STEAP1B: variants seen among roughly 807,000 people sequenced by gnomAD.
STEAP1B encodes STEAP family protein MGC87042.
STEAP1B carries 13 observed loss-of-function variants against 27.9 expected under a neutral mutation model. The ratio of observed to expected loss-of-function variants is 0.47; its 90% confidence interval spans 0.30 to 0.74. STEAP1B has a LOEUF of 0.74. Ranked by LOEUF, STEAP1B falls within the 30% of genes least tolerant of loss-of-function variation. The pLI, the probability that STEAP1B is intolerant of heterozygous loss-of-function variation, is 0.06. For synonymous variants in STEAP1B, 86 were observed against 107.1 expected, an observed-to-expected ratio of 0.80 and a Z score of 1.22; for missense variants, 250 against 298.7, an observed-to-expected ratio of 0.84 and a Z score of 1.20.
chr7:22,468,969 T>A (rs995394565), intron 4 of STEAP1B, among the ~76,000 whole-genome samples: 1 of 152,250 alleles, frequency 6.6e-6, no homozygotes, highest in Non-Finnish European at 1.5e-5. Context: ...TATTATCCTA[T>A]ACTTTTTATA....
At chr7:22,481,278 G>C (rs1040480901) in intron 4 of STEAP1B, among the ~76,000 whole-genome samples, 1 of 152,218 alleles carries the variant, frequency 6.6e-6, no homozygotes, top group East Asian at 1.9e-4. Flanking sequence ...TAATGGTGAA[G>C]AGCACAGACC....
intron 1 of STEAP1B, chr7:22,495,608 T>C (rs1362519176): frequency 6.6e-6 from 1 of 152,238 alleles, no homozygotes; most frequent in African/African-American, 2.4e-5. Context: ...ACAGTACTAT[T>C]CATTGTTTTT....
intron 4 of STEAP1B, among the ~76,000 whole-genome samples, chr7:22,469,692 G>C (rs1785846309): frequency 6.6e-6 from 1 of 152,144 alleles, no homozygotes. Flanking sequence ...CACTAGGCTT[G>C]CAGATAGCCT....
intron 4 of STEAP1B, among the ~76,000 whole-genome samples, chr7:22,439,534 T>C (rs1018614398): frequency 2.6e-5 from 4 of 152,174 alleles, no homozygotes; most frequent in African/African-American, 9.7e-5. Context: ...ATAAATTCAG[T>C]TCAAAAGTTC....
rs752507372 is a variant in STEAP1B at position 22,456,968 on chromosome 7, ATATAT to A, written c.762+35592_762+35596del. Among the ~76,000 whole-genome samples, 166 of 47,954 alleles carry A rather than the reference ATATAT, an allele frequency of 3.5e-3. 18 individuals are homozygous for A. Among genetic ancestry groups the A allele is most frequent in the Non-Finnish European group, 5.4e-3 (107 of 19,792 alleles). The allele number at this position is 47,954 out of a possible 152,430, so 31.5% of individuals were successfully genotyped here. Reference sequence around the variant, plus strand: ...GATAGGCAGCTATATATATATATATATATATTTTTTTTTTTTTTAAGTATCCTGGG... The same window carrying A: ...GATAGGCAGCTATATATATATATATATTTTTTTTTTTTTAAGTATCCTGGG... On this transcript the variant is annotated intron_variant, in intron 4 of 4. Transcript: ENST00000678116.
chr7:22,454,534 A>C (rs1369772798), intron 4 of STEAP1B, among the ~76,000 whole-genome samples: 2 of 152,104 alleles, frequency 1.3e-5, no homozygotes, highest in African/African-American at 2.4e-5. Context: ...AAGCCACTGG[A>C]TGCTGCTGGC....
At chr7:22,480,568 C>T (rs1786051549) in intron 4 of STEAP1B, among the ~76,000 whole-genome samples, 2 of 152,182 alleles carry the variant, frequency 1.3e-5, no homozygotes, top group South Asian at 4.1e-4. Context: ...CATAAGGATG[C>T]AGGTAATGAA....
At chr7:22,463,018 C>A (rs2128408468) in intron 4 of STEAP1B, among the ~76,000 whole-genome samples, 1 of 152,248 alleles carries the variant, frequency 6.6e-6, no homozygotes, top group East Asian at 1.9e-4. Flanking sequence ...TTTTTGGCTG[C>A]ATAAATGTCT....
intron 4 of STEAP1B, among the ~76,000 whole-genome samples, chr7:22,481,981 G>A (rs868131630): frequency 2.6e-5 from 4 of 152,210 alleles, no homozygotes; most frequent in African/African-American, 7.2e-5. Context: ...CACGAAAGCC[G>A]GAATCCTGCT....
At chr7:22,428,385 A>G (rs1522281) in intron 4 of STEAP1B, among the ~76,000 whole-genome samples, 5,093 of 152,230 alleles carry the variant, frequency 0.033, 287 homozygotes, top group African/African-American at 0.12. Context: ...GAATTCGATC[A>G]ATGGTTGTAG....
chr7:22,464,205 T>C (rs1224954969), intron 4 of STEAP1B, among the ~76,000 whole-genome samples: 3 of 152,234 alleles, frequency 2.0e-5, no homozygotes, highest in Non-Finnish European at 2.9e-5. Flanking sequence ...GTGTTCGCAA[T>C]GCCATTAGGA....
chr7:22,457,051 G>A (rs929983918), intron 4 of STEAP1B, among the ~76,000 whole-genome samples: 1 of 147,754 alleles, frequency 6.8e-6, no homozygotes, highest in African/African-American at 2.5e-5. Context: ...GCAATGTGAA[G>A]CTGGACAGCG....
intron 4 of STEAP1B, among the ~76,000 whole-genome samples, chr7:22,422,614 C>T (rs1281206073): frequency 6.6e-6 from 1 of 152,122 alleles, no homozygotes; most frequent in Non-Finnish European, 1.5e-5. Context: ...CTGCCTCAGC[C>T]TCCCGAGTAG....
chr7:22,471,019 G>C (rs948315081), intron 4 of STEAP1B, among the ~76,000 whole-genome samples: 59 of 152,182 alleles, frequency 3.9e-4, no homozygotes, highest in African/African-American at 1.4e-3. Flanking sequence ...GATTTCCCTG[G>C]CCTGCTTTCA....
At chr7:22,499,847 T>C (rs1786504831) in intron 1 of STEAP1B, among the ~76,000 whole-genome samples, 1 of 152,210 alleles carries the variant, frequency 6.6e-6, no homozygotes, top group Non-Finnish European at 1.5e-5. Flanking sequence ...CTTAAGCCCC[T>C]AGCGAAAAGG....
chr7:22,482,118 C>G (rs1786086318), intron 4 of STEAP1B, among the ~76,000 whole-genome samples: 1 of 152,154 alleles, frequency 6.6e-6, no homozygotes, highest in African/African-American at 2.4e-5. Context: ...TAGCTGAGTA[C>G]AGGCATCTCA....
chr7:22,471,935 C>A (rs1374467541), intron 4 of STEAP1B, among the ~76,000 whole-genome samples: 1 of 143,416 alleles, frequency 7.0e-6, no homozygotes, highest in Admixed American at 7.1e-5. Flanking sequence ...ATATTGCTAA[C>A]GTACATCATT....
At chr7:22,451,143 G>A (rs947340834) in intron 4 of STEAP1B, among the ~76,000 whole-genome samples, 1 of 151,836 alleles carries the variant, frequency 6.6e-6, no homozygotes, top group African/African-American at 2.4e-5. Context: ...ATTGCAGTGA[G>A]CTGAGATTGC....
intron 4 of STEAP1B, among the ~76,000 whole-genome samples, chr7:22,421,479 T>C (rs371161227): frequency 6.6e-6 from 1 of 152,020 alleles, no homozygotes; most frequent in African/African-American, 2.4e-5. Flanking sequence ...TGTCAAGGAG[T>C]TCACAGTGGA....
Sources: allele counts gnomAD v4.1 joint callset (sites outside exome capture counted in the v4.1 genomes callset), GRCh38; gene constraint gnomAD v4.1.1; transcripts MANE v1.5; gene names NCBI Gene and HGNC (gene_info 2026-07-23, HGNC 2026-07-21).